Variants in STPG2 observed in about 807,000 individuals in gnomAD.
STPG2 encodes the protein sperm tail PG-rich repeat containing 2.
A neutral mutation model predicts 54.2 loss-of-function variants in STPG2; 56 were observed. The observed-to-expected ratio is 1.03, with a 90% CI of 0.83 to 1.29. The LOEUF (loss-of-function observed/expected upper bound fraction) is 1.29. STPG2 is among the 50% of genes most tolerant of loss of function. The pLI is 0.00. For synonymous variants in STPG2, 200 were observed against 181.8 expected, an observed-to-expected ratio of 1.10 and a Z score of -0.81; for missense variants, 596 against 544.9, an observed-to-expected ratio of 1.09 and a Z score of -0.93.
intron 4 of STPG2, among the ~76,000 whole-genome samples, chr4:97,528,509 A>T (rs1731340423): frequency 6.6e-6 from 1 of 152,124 alleles, no homozygotes; most frequent in African/African-American, 2.4e-5. Flanking sequence ...TATGAAATTT[A>T]AAGTATTTTT....
intron 8 of STPG2, among the ~76,000 whole-genome samples, chr4:97,847,041 A>T (rs1020701742): frequency 1.3e-5 from 2 of 152,176 alleles, no homozygotes; most frequent in African/African-American, 4.8e-5. Context: ...ACTTAAGAAG[A>T]CTTCAAACTT....
Position 97,769,716 on chromosome 4 carries a change from CAT to C in STPG2, c.1205-56904_1205-56903del, listed in dbSNP as rs1353706019. ...TATGAACATGTCAAATTTATGAAAA[CAT>C]ATATATGTCTGTATATATATGTGAA... On this transcript the variant is annotated intron_variant, in intron 9 of 10. Coordinates refer to ENST00000295268, the MANE Select transcript of STPG2 (RefSeq NM_174952.3). 4.0e-5 allele frequency among the ~76,000 whole-genome samples: 6 copies of C among 151,694 alleles called. No homozygotes were observed. In the East Asian group the frequency reaches 9.7e-4, roughly 25 times the overall value.
intron 9 of STPG2, among the ~76,000 whole-genome samples, chr4:97,760,679 C>T (rs974534806): frequency 6.6e-6 from 1 of 152,126 alleles, no homozygotes; most frequent in African/African-American, 2.4e-5. Context: ...AACTCAAATC[C>T]TTACTGTCTA....
intron 9 of STPG2, among the ~76,000 whole-genome samples, chr4:97,718,412 A>G (rs1724355466): frequency 6.6e-6 from 1 of 152,058 alleles, no homozygotes; most frequent in African/African-American, 2.4e-5. Context: ...CTTTACCTGT[A>G]TAGGTCTGCT....
At chr4:97,906,553 G>C (rs1237433184) in intron 8 of STPG2, among the ~76,000 whole-genome samples, 3 of 152,030 alleles carry the variant, frequency 2.0e-5, no homozygotes, top group Non-Finnish European at 2.9e-5. Flanking sequence ...GCCTGGCAGA[G>C]ACACAACCAA....
intron 10 of STPG2, among the ~76,000 whole-genome samples, chr4:97,641,245 C>G (rs1721756703): frequency 6.6e-6 from 1 of 151,562 alleles, no homozygotes. Flanking sequence ...TACAATGTAA[C>G]TGCTAGAACT....
rs550414389 is a variant in STPG2 at position 97,932,772 on chromosome 4, G to A, written c.1044+11125C>T. 1.2e-4 allele frequency among the ~76,000 whole-genome samples: 18 copies of A among 152,254 alleles called. No individual in the cohort carries two copies. In the South Asian group the frequency reaches 2.7e-3, roughly 23 times the overall value. On this transcript the variant is annotated intron_variant, in intron 8 of 10. Coordinates refer to ENST00000295268, the MANE Select transcript of STPG2 (RefSeq NM_174952.3). ...TTCTTTATCCAGTCCATCATTGATG[G>A]TTATTTGGGTTGATTCCATGTCTTT...
intron 5 of STPG2, among the ~76,000 whole-genome samples, chr4:98,028,361 A>G (rs938455569): frequency 2.0e-5 from 3 of 152,172 alleles, no homozygotes; most frequent in African/African-American, 7.2e-5. Flanking sequence ...CACACCTTCA[A>G]CACTTGGCAG....
At chr4:98,137,686 C>T (rs1740172556) in intron 1 of STPG2, among the ~76,000 whole-genome samples, 1 of 151,442 alleles carries the variant, frequency 6.6e-6, no homozygotes, top group African/African-American at 2.4e-5. Flanking sequence ...ATGAATCTAC[C>T]TTAAACAAAT....
intron 8 of STPG2, among the ~76,000 whole-genome samples, chr4:97,850,833 A>C (rs113332601): frequency 6.6e-6 from 1 of 152,170 alleles, no homozygotes; most frequent in Non-Finnish European, 1.5e-5. Context: ...TATTCTAAAT[A>C]AAATTGGGTT....
intron 5 of STPG2, among the ~76,000 whole-genome samples, chr4:98,033,046 C>G (rs1208813324): frequency 2.0e-5 from 3 of 151,412 alleles, no homozygotes; most frequent in Admixed American, 2.0e-4. Context: ...GAAACAAGAG[C>G]AAACAAATTC....
intron 5 of STPG2, among the ~76,000 whole-genome samples, chr4:98,031,787 G>C (rs1267086110): frequency 1.3e-5 from 2 of 152,166 alleles, no homozygotes; most frequent in Admixed American, 6.5e-5. Flanking sequence ...ACAACCCAGA[G>C]AGTGGGAGAA....
At chr4:97,563,533 G>T (rs1012171925) in intron 10 of STPG2, among the ~76,000 whole-genome samples, 1 of 152,078 alleles carries the variant, frequency 6.6e-6, no homozygotes, top group African/African-American at 2.4e-5. Context: ...GTGATGTTAG[G>T]TTGTCAATTT....
chr4:97,456,803 G>A (rs1345576157), intron 4 of STPG2, among the ~76,000 whole-genome samples: 2 of 149,326 alleles, frequency 1.3e-5, no homozygotes, highest in Non-Finnish European at 2.9e-5. Flanking sequence ...GGCTGAGGCA[G>A]GAGAATGGCG....
intron 9 of STPG2, among the ~76,000 whole-genome samples, chr4:97,824,627 G>A (rs972380803): frequency 7.2e-5 from 11 of 152,122 alleles, no homozygotes; most frequent in Admixed American, 3.3e-4. Flanking sequence ...GTAACCACGT[G>A]GCACTACTTT....
chr4:98,033,019 C>A lies in STPG2; in HGVS notation c.613-51701G>T, dbSNP rs541571503. Among the ~76,000 whole-genome samples, 10 of 151,958 alleles carry A rather than the reference C, an allele frequency of 6.6e-5. No homozygotes were observed. The East Asian group carries it at 1.2e-3, about 18-fold the overall frequency. ...AACTAAAATCAACACCCTAACATCA[C>A]AATTAAAAGAACTAGAGAAACAAGA... is the stretch of plus-strand genomic sequence containing the variant. On this transcript the variant is annotated intron_variant, in intron 5 of 10. Transcript: ENST00000295268.
intron 8 of STPG2, among the ~76,000 whole-genome samples, chr4:97,894,291 G>A (rs1256504636): frequency 1.3e-5 from 2 of 151,740 alleles, no homozygotes; most frequent in Non-Finnish European, 2.9e-5. Flanking sequence ...TGAAATTTAA[G>A]GTGTTAAATT....
chr4:98,021,114 G>A (rs183544673), intron 5 of STPG2, among the ~76,000 whole-genome samples: 19 of 151,618 alleles, frequency 1.3e-4, no homozygotes, highest in African/African-American at 4.4e-4. Flanking sequence ...TGATGTTAGG[G>A]TGTCAATTTT....
chr4:97,957,129 A>T (rs1439770069), intron 7 of STPG2, among the ~76,000 whole-genome samples: 1 of 151,842 alleles, frequency 6.6e-6, no homozygotes, highest in East Asian at 1.9e-4. Flanking sequence ...TACATGTGAA[A>T]TATATATGAA....
Sources: gnomAD v4.1 joint callset for allele counts (sites outside exome capture counted in the v4.1 genomes callset) on GRCh38, gnomAD v4.1.1 for gene constraint, MANE v1.5 for transcripts, NCBI Gene and HGNC (gene_info 2026-07-23, HGNC 2026-07-21) for gene names.